The following GNAQ variants were observed in gnomAD, a reference collection of about 807,000 sequenced individuals.
GNAQ encodes guanine nucleotide-binding protein G(q) subunit alpha.
Under a neutral mutation model 43.9 loss-of-function variants are expected in GNAQ, and 8 were observed. The ratio of observed to expected loss-of-function variants is 0.18; its 90% CI spans 0.11 to 0.33. The LOEUF (loss-of-function observed/expected upper bound fraction) is 0.33, where lower values mean the gene tolerates loss of function less well. Ranked by LOEUF, GNAQ falls within the 10% of genes least tolerant of loss-of-function variation. The pLI, the probability that GNAQ is intolerant of heterozygous loss-of-function variation, is 1.00. For synonymous variants in GNAQ, 155 were observed against 170.7 expected (o/e 0.91, Z 0.71); for missense variants, 158 against 450.8 (o/e 0.35, Z 5.88).
At chr9:77,918,178 C>T (rs1459347312) in intron 2 of GNAQ, among the ~76,000 whole-genome samples, 1 of 152,092 alleles carries the variant, frequency 6.6e-6, no homozygotes, top group African/African-American at 2.4e-5. Flanking sequence ...CAGAAGAGCT[C>T]ATATAATGTA....
chr9:77,972,751 G>A (rs1266998708), intron 1 of GNAQ, among the ~76,000 whole-genome samples: 2 of 151,852 alleles, frequency 1.3e-5, no homozygotes, highest in African/African-American at 4.8e-5. Flanking sequence ...TGAGGAGTTC[G>A]AGACCAGCCT....
intron 2 of GNAQ, among the ~76,000 whole-genome samples, chr9:77,912,041 C>T (rs896984024): frequency 6.6e-6 from 1 of 151,976 alleles, no homozygotes; most frequent in Non-Finnish European, 1.5e-5. Flanking sequence ...ATCTACCTGC[C>T]AGTTAAAAAA....
chr9:77,879,940 G>A (rs1828183924), intron 2 of GNAQ, among the ~76,000 whole-genome samples: 1 of 152,160 alleles, frequency 6.6e-6, no homozygotes. Flanking sequence ...TTCATTATGT[G>A]TGCATTACAT....
chr9:77,960,579 A>C (rs1046737465), intron 1 of GNAQ, among the ~76,000 whole-genome samples: 1 of 152,194 alleles, frequency 6.6e-6, no homozygotes, highest in African/African-American at 2.4e-5. Flanking sequence ...GGCATGCCGC[A>C]GGGAGTCACT....
At chr9:77,896,823 C>T (rs990761113) in intron 2 of GNAQ, among the ~76,000 whole-genome samples, 2 of 152,214 alleles carry the variant, frequency 1.3e-5, no homozygotes, top group African/African-American at 2.4e-5. Context: ...TAATTATTTA[C>T]TATGCACTTC....
intron 2 of GNAQ, among the ~76,000 whole-genome samples, chr9:77,887,156 A>C (rs1283053492): frequency 7.0e-6 from 1 of 142,902 alleles, no homozygotes; most frequent in Non-Finnish European, 1.6e-5. Context: ...ATAAAGTAAA[A>C]TAAAATAAAA....
intron 1 of GNAQ, among the ~76,000 whole-genome samples, chr9:77,965,849 A>AC (rs1184393517): frequency 6.6e-6 from 1 of 152,070 alleles, no homozygotes; most frequent in Non-Finnish European, 1.5e-5. Context: ...AAAAAAAAAA[A>AC]AAAAAGGCAC....
In GNAQ at chr9:77,892,676, T is replaced by C. The variant is rs536517803; in HGVS notation, c.321+29485A>G. ...GAATATTAACATGACCTGGGCTTTA[T>C]TCTGTGGCATAAATGACGTGGAAAT... is the stretch of plus-strand genomic sequence containing the variant. On this transcript the variant is annotated intron_variant, in intron 2 of 6. Coordinates refer to ENST00000286548, the MANE Select transcript of GNAQ (RefSeq NM_002072.5). Among the ~76,000 whole-genome samples, 4 of 152,346 alleles carry C rather than the reference T, an allele frequency of 2.6e-5. No homozygotes were observed. The South Asian group carries it at 8.3e-4, about 32-fold the overall frequency.
intron 1 of GNAQ, among the ~76,000 whole-genome samples, chr9:77,966,576 A>C (rs1389740455): frequency 6.6e-6 from 1 of 152,156 alleles, no homozygotes; most frequent in African/African-American, 2.4e-5. Flanking sequence ...TACAGCAGAG[A>C]CACAAAATCT....
At chr9:77,755,164 G>C (rs1472492565) in intron 5 of GNAQ, among the ~76,000 whole-genome samples, 1 of 152,180 alleles carries the variant, frequency 6.6e-6, no homozygotes, top group Non-Finnish European at 1.5e-5. Flanking sequence ...TCATTCATTT[G>C]TAAGAGCTAA....
At chr9:77,795,603 T>C (rs912441362) in intron 4 of GNAQ, among the ~76,000 whole-genome samples, 4 of 152,150 alleles carry the variant, frequency 2.6e-5, no homozygotes, top group Non-Finnish European at 5.9e-5. Flanking sequence ...AAGTCACTAC[T>C]CGTAAGCCTA....
chr9:78,027,633 C>T (rs921023811), intron 1 of GNAQ, among the ~76,000 whole-genome samples: 2 of 151,720 alleles, frequency 1.3e-5, no homozygotes, highest in Admixed American at 6.6e-5. Flanking sequence ...TGCCTGTAAT[C>T]CAAGCTACCT....
intron 1 of GNAQ, among the ~76,000 whole-genome samples, chr9:78,007,216 T>C (rs910981258): frequency 9.9e-5 from 15 of 151,374 alleles, no homozygotes; most frequent in Non-Finnish European, 1.6e-4. Flanking sequence ...AATAAAAGAA[T>C]TGATACTAAT....
chr9:77,868,034 A>G (rs1408573357), intron 2 of GNAQ, among the ~76,000 whole-genome samples: 3 of 152,324 alleles, frequency 2.0e-5, no homozygotes, highest in South Asian at 4.1e-4. Context: ...AGAGTAGTCA[A>G]TTATATGCAT....
chr9:77,763,928 A>G lies in GNAQ; in HGVS notation c.735+30535T>C, dbSNP rs529646437. Reference sequence around the variant, plus strand: ...GTTCTTTCGGCAATACATGGCTACAAAATAGTTGTGTTTTGTTAGTTGTTT... The same window carrying G: ...GTTCTTTCGGCAATACATGGCTACAGAATAGTTGTGTTTTGTTAGTTGTTT... On this transcript the variant is annotated intron_variant, in intron 5 of 6. Coordinates refer to ENST00000286548, the MANE Select transcript of GNAQ (RefSeq NM_002072.5). Among the ~76,000 whole-genome samples, 137 of 152,326 alleles carry G rather than the reference A, an allele frequency of 9.0e-4. 1 individual carries two copies. Among genetic ancestry groups the G allele is most frequent in the South Asian group, 4.3e-3 (21 of 4,828 alleles).
intron 2 of GNAQ, among the ~76,000 whole-genome samples, chr9:77,895,573 A>G (rs1828486625): frequency 6.6e-6 from 1 of 152,156 alleles, no homozygotes; most frequent in Non-Finnish European, 1.5e-5. Context: ...AGAATCCAAC[A>G]TGGCCTTGAA....
chr9:77,942,047 T>C (rs1407550994), intron 1 of GNAQ, among the ~76,000 whole-genome samples: 1 of 152,152 alleles, frequency 6.6e-6, no homozygotes, highest in Non-Finnish European at 1.5e-5. Context: ...CTTTTTCCTA[T>C]TGCTAACTTG....
intron 2 of GNAQ, among the ~76,000 whole-genome samples, chr9:77,863,364 G>A (rs1162312569): frequency 6.6e-6 from 1 of 152,196 alleles, no homozygotes; most frequent in African/African-American, 2.4e-5. Flanking sequence ...AACATAACAA[G>A]AGTCACCTTT....
At chr9:77,851,461 G>T (rs916326979) in intron 2 of GNAQ, among the ~76,000 whole-genome samples, 1 of 152,204 alleles carries the variant, frequency 6.6e-6, no homozygotes, top group Non-Finnish European at 1.5e-5. Flanking sequence ...AGAAAGTAGA[G>T]CTGGACGTAT....
Sources: allele counts gnomAD v4.1 joint callset (sites outside exome capture counted in the v4.1 genomes callset), GRCh38; gene constraint gnomAD v4.1.1; transcripts MANE v1.5; gene names NCBI Gene and HGNC (gene_info 2026-07-23, HGNC 2026-07-21).